Variants in PLCB1 observed in about 807,000 individuals in gnomAD.
PLCB1 encodes the protein 1-phosphatidylinositol 4,5-bisphosphate phosphodiesterase beta-1.
Under a neutral mutation model 161.8 loss-of-function variants are expected in PLCB1, and 46 were observed. That is an observed-to-expected ratio of 0.28 (90% CI 0.22 to 0.36). The LOEUF is 0.36. Among genes scored for constraint, PLCB1 ranks in the 10% least tolerant of loss-of-function variants. The probability of loss-of-function intolerance (pLI) is 1.00; values close to 1 mark genes in which losing one functional copy is unlikely to be tolerated. For synonymous variants in PLCB1, 517 were observed against 503.7 expected (o/e 1.03, Z -0.35); for missense variants, 1,016 against 1,472.5 (o/e 0.69, Z 5.07).
At chr20:8,273,434 A>G (rs368795248) in intron 2 of PLCB1, among the ~76,000 whole-genome samples, 2 of 152,128 alleles carry the variant, frequency 1.3e-5, no homozygotes, top group South Asian at 4.1e-4. Flanking sequence ...GGTAGAGGCT[A>G]TATTTTATAT....
intron 31 of PLCB1, among the ~76,000 whole-genome samples, chr20:8,870,791 G>A (rs1987582747): frequency 6.6e-6 from 1 of 151,418 alleles, no homozygotes. Context: ...CTGAGCATTA[G>A]CATTCCAGAA....
intron 2 of PLCB1, among the ~76,000 whole-genome samples, chr20:8,216,891 G>A (rs78082293): frequency 2.0e-5 from 3 of 152,094 alleles, no homozygotes; most frequent in African/African-American, 4.8e-5. Context: ...AACCAAAATA[G>A]TGGTGTCAAC....
At chr20:8,829,715 T>C (rs917025622) in intron 31 of PLCB1, among the ~76,000 whole-genome samples, 2 of 152,204 alleles carry the variant, frequency 1.3e-5, no homozygotes, top group Non-Finnish European at 2.9e-5. Context: ...TTCAATTTAA[T>C]ATGAAAGAGT....
At chr20:8,620,667 A>T (rs535062097) in intron 3 of PLCB1, among the ~76,000 whole-genome samples, 2 of 145,086 alleles carry the variant, frequency 1.4e-5, no homozygotes, top group Non-Finnish European at 3.0e-5. Context: ...TGAGCCCAGG[A>T]GGTAGAGGCT....
At chr20:8,569,074 G>A (rs1165678485) in intron 3 of PLCB1, among the ~76,000 whole-genome samples, 1 of 152,178 alleles carries the variant, frequency 6.6e-6, no homozygotes, top group Non-Finnish European at 1.5e-5. Context: ...TGGTTTGTAA[G>A]GGAGCTCTCC....
Position 8,682,953 on chromosome 20 carries a change from C to T in PLCB1, c.863-1979C>T, listed in dbSNP as rs1173080616. On this transcript the variant is annotated intron_variant, in intron 9 of 31. Coordinates refer to ENST00000338037, the MANE Select transcript of PLCB1 (RefSeq NM_015192.4). ...ACCATCAGAGCAGTCAATGCAATGT[C>T]ATTTATACTAGTGAAAAAATTAGAA... is the stretch of plus-strand genomic sequence containing the variant. Among the ~76,000 whole-genome samples, 4 of 151,932 alleles carry T rather than the reference C, an allele frequency of 2.6e-5. No homozygotes were observed. In the East Asian group the frequency reaches 7.7e-4, roughly 29 times the overall value.
At chr20:8,300,970 G>A (rs1212741727) in intron 2 of PLCB1, among the ~76,000 whole-genome samples, 1 of 152,112 alleles carries the variant, frequency 6.6e-6, no homozygotes, top group Admixed American at 6.5e-5. Context: ...GAGCCTTTTG[G>A]GAAATGTACC....
chr20:8,670,374 C>T (rs1314268344), intron 9 of PLCB1, among the ~76,000 whole-genome samples: 1 of 152,176 alleles, frequency 6.6e-6, no homozygotes, highest in African/African-American at 2.4e-5. Flanking sequence ...AGAATTTTCA[C>T]ACAAAACCAC....
intron 2 of PLCB1, among the ~76,000 whole-genome samples, chr20:8,182,807 T>C (rs8117801): frequency 0.32 from 49,216 of 151,502 alleles, 10,612 homozygotes; most frequent in African/African-American, 0.62. Context: ...TCTTGAACTC[T>C]TAACCTGAAG....
rs766791532 is a variant in PLCB1, at chr20:8,132,778, G to A, written c.99+28G>A. On this transcript the variant is annotated intron_variant, in intron 1 of 31. Coordinates refer to ENST00000338037, the MANE Select transcript of PLCB1 (RefSeq NM_015192.4). This position sits in a 1 kb window ranked among gnomAD's most constrained non-coding sequence, Gnocchi z 5.2. Reference sequence around the variant, plus strand: ...AAGTATTGGGGCGGCCCGAGTCGGGGCGCTGGCTCGGGCACCGGGCAGGGC... The same window carrying A: ...AAGTATTGGGGCGGCCCGAGTCGGGACGCTGGCTCGGGCACCGGGCAGGGC... 1 of 1,543,780 alleles carries A rather than the reference G, an allele frequency of 6.5e-7. No individual in the cohort carries two copies. Among genetic ancestry groups the A allele is most frequent in the Admixed American group, 1.7e-5 (1 of 59,218 alleles).
At chr20:8,373,131 G>C (rs564067460) in intron 3 of PLCB1, among the ~76,000 whole-genome samples, 2 of 152,282 alleles carry the variant, frequency 1.3e-5, no homozygotes, top group East Asian at 1.9e-4. Context: ...AATGCTTCTC[G>C]TGAGGATGGA....
chr20:8,320,848 AGGG>A, intron 2 of PLCB1, among the ~76,000 whole-genome samples: 2 of 137,434 alleles, frequency 1.5e-5, no homozygotes, highest in African/African-American at 2.6e-5. Context: ...GGAGGGAGGG[AGGG>A]AAAGAGAGAG....
chr20:8,346,735 TCC>T (rs1986009851), intron 2 of PLCB1, among the ~76,000 whole-genome samples: 1 of 152,074 alleles, frequency 6.6e-6, no homozygotes, highest in East Asian at 1.9e-4. Flanking sequence ...CCTCTCCCTG[TCC>T]CAAGAGCTCA....
At chr20:8,656,902 C>A (rs1406385767) in intron 7 of PLCB1, among the ~76,000 whole-genome samples, 3 of 151,158 alleles carry the variant, frequency 2.0e-5, no homozygotes, top group African/African-American at 7.3e-5. Context: ...TAGCAGGAGA[C>A]AATTCTTAAA....
chr20:8,132,639 C>G lies in PLCB1; in HGVS notation c.-13C>G. 6.3e-7 allele frequency: 1 copy of G among 1,598,118 alleles called. No homozygotes were observed. Among genetic ancestry groups the G allele is most frequent in the East Asian group, 2.3e-5 (1 of 43,880 alleles). On this transcript the variant is annotated 5_prime_UTR_variant, in exon 1 of 32. Coordinates refer to ENST00000338037, the MANE Select transcript of PLCB1 (RefSeq NM_015192.4). The surrounding 1 kb of genome is among the most constrained non-coding windows in gnomAD (Gnocchi z 5.2). ...GCGCTCGCCCGGGCCGCCCGGAGCC[C>G]AGATGAGCCCAGATGGCCGGGGCTC...
chr20:8,136,081 C>T (rs533943704), intron 1 of PLCB1, among the ~76,000 whole-genome samples: 12 of 152,274 alleles, frequency 7.9e-5, no homozygotes, highest in African/African-American at 1.4e-4. Context: ...GTCTCACTGT[C>T]GCACAACCTC....
chr20:8,807,942 A>G (rs776678980), intron 31 of PLCB1, among the ~76,000 whole-genome samples: 3 of 152,170 alleles, frequency 2.0e-5, no homozygotes, highest in African/African-American at 7.2e-5. Context: ...GACTATGTTC[A>G]TCATTATAAA....
chr20:8,535,317 ATAT>A (rs978105937), intron 3 of PLCB1, among the ~76,000 whole-genome samples: 4 of 151,590 alleles, frequency 2.6e-5, no homozygotes, highest in African/African-American at 9.7e-5. Context: ...CAATTATTAT[ATAT>A]TAAACATATC....
chr20:8,684,252 A>T (rs866202125), intron 9 of PLCB1, among the ~76,000 whole-genome samples: 1 of 147,116 alleles, frequency 6.8e-6, no homozygotes, highest in African/African-American at 2.6e-5. Context: ...TTATTTATTT[A>T]TTTATTTATT....
Sources: gnomAD v4.1 joint callset for allele counts (sites outside exome capture counted in the v4.1 genomes callset) on GRCh38, gnomAD v4.1.1 for gene constraint, Gnocchi (gnomAD v3.1) non-coding constraint, MANE v1.5 for transcripts, NCBI Gene and HGNC (gene_info 2026-07-23, HGNC 2026-07-21) for gene names.